The following TMEM68 variants were observed in gnomAD, a reference collection of about 807,000 sequenced individuals.
TMEM68 encodes transmembrane protein 68, also known as DGAT1/2-independent enzyme synthesizing storage lipids.
A neutral mutation model predicts 36.9 loss-of-function variants in TMEM68; 25 were observed. The ratio of observed to expected loss-of-function variants is 0.68; its 90% CI spans 0.49 to 0.95. The LOEUF (loss-of-function observed/expected upper bound fraction) is 0.95, where lower values mean the gene tolerates loss of function less well. Among genes scored for constraint, TMEM68 ranks in the 40% least tolerant of loss-of-function variants. The pLI, the probability that TMEM68 is intolerant of heterozygous loss-of-function variation, is 0.00. For synonymous variants in TMEM68, 131 were observed against 124.4 expected (o/e 1.05, Z -0.35); for missense variants, 333 against 392.0 (o/e 0.85, Z 1.27).
chr8:55,745,867 G>A (rs1292410754), intron 5 of TMEM68: 9 of 152,138 alleles, frequency 5.9e-5, no homozygotes, highest in Non-Finnish European at 1.2e-4. Context: ...TGGCTCCAAA[G>A]GGAAATTTAT....
At position 55,760,228 on chromosome 8, in the gene TMEM68, C is replaced by G. The variant is rs180773977; in HGVS notation, c.325+2407G>C. Among the ~76,000 whole-genome samples, 59 of 152,348 alleles carry G rather than the reference C, an allele frequency of 3.9e-4. 1 individual carries two copies. Among genetic ancestry groups the G allele is most frequent in the Middle Eastern group, 6.8e-3 (2 of 294 alleles). ...ATCCAACTATGCCTCAGAGGAAAATCACAGAAGTTGGGAAGTCAGGATATT... is the reference window on the plus strand; with the variant it reads ...ATCCAACTATGCCTCAGAGGAAAATGACAGAAGTTGGGAAGTCAGGATATT... On this transcript the variant is annotated intron_variant, in intron 3 of 7. Transcript: ENST00000434581.
chr8:55,761,092 T>A (rs977797080), intron 3 of TMEM68: 1 of 152,142 alleles, frequency 6.6e-6, no homozygotes, highest in African/African-American at 2.4e-5. Context: ...ACTAATCAAA[T>A]ATTTAAAAAA....
In TMEM68 at chr8:55,743,600, C is replaced by G; in HGVS notation, c.769G>C (p.Glu257Gln). 2.0e-6 allele frequency: 3 copies of G among 1,535,112 alleles called. No individual in the cohort carries two copies. The highest frequency in any genetic ancestry group is 2.6e-6 in the Non-Finnish European group (3 of 1,146,566). ...GGAGCAAATGGATAGCGGAATTTTTCATAAAGCCACCTAAATAACCCTGTT... is the reference window on the plus strand; with the variant it reads ...GGAGCAAATGGATAGCGGAATTTTTGATAAAGCCACCTAAATAACCCTGTT... ...GGTRLFRWLYEKFRYPFAPMY... is the reference protein window; with the variant it reads ...GGTRLFRWLYQKFRYPFAPMY... The change falls in exon 7 of 8, where the codon GAA becomes CAA. Residue 257 changes from glutamate to glutamine, a missense_variant. Coordinates refer to ENST00000434581, the MANE Select transcript of TMEM68 (RefSeq NM_001286657.2).
intron 4 of TMEM68, among the ~76,000 whole-genome samples, chr8:55,754,944 TACACACACACACACACACAC>T (rs71256561): frequency 1.5e-5 from 2 of 134,900 alleles, no homozygotes; most frequent in African/African-American, 2.8e-5. Flanking sequence ...TATATATTTA[TACACACACACACACACACAC>T]ACACACACAC....
At chr8:55,754,699 T>TACATACTTATATATATATTATATATA (rs1275478847) in intron 4 of TMEM68, among the ~76,000 whole-genome samples, 3 of 126,138 alleles carry the variant, frequency 2.4e-5, no homozygotes, top group Non-Finnish European at 4.7e-5. Flanking sequence ...ATATATGAAA[T>TACATACTTATATATATATTATATATA]ACATACTTAT....
At chr8:55,750,759 C>T in intron 5 of TMEM68, 1 of 454,644 alleles carries the variant, frequency 2.2e-6, no homozygotes. Flanking sequence ...AGGCTGGTCT[C>T]AAACTCCTGA....
chr8:55,762,597 A>G (rs1240335793), intron 3 of TMEM68, 38 bp downstream of exon 3: 1 of 1,613,598 alleles, frequency 6.2e-7, no homozygotes, highest in Admixed American at 1.7e-5. Context: ...TGCAGCACAC[A>G]TGAATGGCAA....
At chr8:55,757,346 T>C (rs1279139070) in intron 3 of TMEM68, among the ~76,000 whole-genome samples, 1 of 152,120 alleles carries the variant, frequency 6.6e-6, no homozygotes, top group Non-Finnish European at 1.5e-5. Context: ...AAGTGACATA[T>C]TACAAAATAC....
At chr8:55,752,346 G>A (rs1052679179) in intron 4 of TMEM68, among the ~76,000 whole-genome samples, 1 of 152,072 alleles carries the variant, frequency 6.6e-6, no homozygotes, top group Non-Finnish European at 1.5e-5. Flanking sequence ...CCAGCACTTT[G>A]GGAAGATGAG....
At chr8:55,756,123 C>T in intron 4 of TMEM68, 121 bp downstream of exon 4, 1 of 691,782 alleles carries the variant, frequency 1.4e-6, no homozygotes, top group Non-Finnish European at 2.2e-6. Context: ...GAGTGTTATA[C>T]ACACCCTAAA....
At chr8:55,765,731 G>A (rs1176412708) in intron 1 of TMEM68, among the ~76,000 whole-genome samples, 5 of 152,242 alleles carry the variant, frequency 3.3e-5, no homozygotes, top group Middle Eastern at 3.4e-3. Flanking sequence ...TTCATGAGGT[G>A]GGCTAAGACA....
At chr8:55,772,073 T>C (rs1811190615) in intron 1 of TMEM68, among the ~76,000 whole-genome samples, 1 of 152,210 alleles carries the variant, frequency 6.6e-6, no homozygotes, top group South Asian at 2.1e-4. Context: ...ATCCCAATAA[T>C]GCTGCACATC....
chr8:55,753,320 G>A (rs1477064483), intron 4 of TMEM68, among the ~76,000 whole-genome samples: 2 of 151,726 alleles, frequency 1.3e-5, no homozygotes, highest in Admixed American at 6.6e-5. Flanking sequence ...AAATATTAAT[G>A]CTAACATTAA....
chr8:55,754,488 CACACAT>C lies in TMEM68; in HGVS notation c.493+1750_493+1755del, dbSNP rs1345265559. Reference sequence around the variant, plus strand: ...ATATACACACACACACACACACACACACACATACATACACACACACACGTGTATATA... The same window carrying C: ...ATATACACACACACACACACACACACACATACACACACACACGTGTATATA... On this transcript the variant is annotated intron_variant, in intron 4 of 7. Transcript: ENST00000434581. Among the ~76,000 whole-genome samples the C allele has an allele frequency of 1.1e-3, 138 of 125,990 alleles. 1 individual carries two copies. The highest frequency in any genetic ancestry group is 4.2e-3 in the Middle Eastern group (1 of 238). 82.7% of individuals were successfully genotyped at this position (125,990 alleles called of 152,430 possible).
chr8:55,766,534 G>T (rs1810968258), intron 1 of TMEM68, among the ~76,000 whole-genome samples: 1 of 151,932 alleles, frequency 6.6e-6, no homozygotes, highest in Admixed American at 6.6e-5. Flanking sequence ...CCGCCACCAC[G>T]CCCGGCTAAT....
In TMEM68 at chr8:55,758,183, A is replaced by C. The variant is rs1446062842; in HGVS notation, c.326-1772T>G. 2.0e-5 allele frequency among the ~76,000 whole-genome samples: 3 copies of C among 152,208 alleles called. No homozygotes were observed. In the East Asian group the frequency reaches 5.8e-4, roughly 29 times the overall value. On this transcript the variant is annotated intron_variant, in intron 3 of 7. Transcript: ENST00000434581. The stretch of plus-strand genomic sequence containing the variant: ...CTCTACTTCAGGCCCTACACTATGC[A>C]CAAGATAACAGTAGGAGTCTGAAGT...
At chr8:55,746,159 TG>T in intron 5 of TMEM68, 1 of 108,230 alleles carries the variant, frequency 9.2e-6, no homozygotes, top group Non-Finnish European at 2.0e-5. Context: ...TACAAAAAAA[TG>T]TAAAAATTAT....
At chr8:55,746,317 CAAAAAAAAAAAA>C (rs376241142) in intron 5 of TMEM68, 72 of 57,200 alleles carry the variant, frequency 1.3e-3, no homozygotes, top group African/African-American at 4.6e-3. Context: ...CACTGTCTCC[CAAAAAAAAAAAA>C]AAAAAAAAAA....
chr8:55,757,372 A>G (rs1183400993), intron 3 of TMEM68, among the ~76,000 whole-genome samples: 8 of 152,180 alleles, frequency 5.3e-5, no homozygotes, highest in Admixed American at 5.2e-4. Context: ...GTCCCACGGT[A>G]GGCTAGTATT....
Sources: gnomAD v4.1 joint callset for allele counts (sites outside exome capture counted in the v4.1 genomes callset) on GRCh38, gnomAD v4.1.1 for gene constraint, MANE v1.5 for transcripts, NCBI Gene and HGNC (gene_info 2026-07-23, HGNC 2026-07-21) for gene names.